MPZL1: variants seen among roughly 807,000 people sequenced by gnomAD.
MPZL1 encodes myelin protein zero-like protein 1.
MPZL1 carries 16 observed loss-of-function variants against 29.3 expected under a neutral mutation model. The ratio of observed to expected loss-of-function variants is 0.55; its 90% confidence interval spans 0.37 to 0.83. The LOEUF (loss-of-function observed/expected upper bound fraction) is 0.83. Among genes scored for constraint, MPZL1 ranks in the 40% least tolerant of loss-of-function variants. The pLI is 0.00. For missense variants in MPZL1, 279 were observed against 332.9 expected, an observed-to-expected ratio of 0.84 and a Z score of 1.26; for synonymous variants, 143 against 132.0, an observed-to-expected ratio of 1.08 and a Z score of -0.57.
intron 1 of MPZL1, 146 bp downstream of exon 1, chr1:167,722,388 G>C (rs1558104114): frequency 8.2e-7 from 1 of 1,215,472 alleles, no homozygotes; most frequent in Non-Finnish European, 1.0e-6. Flanking sequence ...GGGCCGAGGG[G>C]ACCCAGCCCA....
At chr1:167,773,572 ATC>A in intron 4 of MPZL1, 1 of 529,182 alleles carries the variant, frequency 1.9e-6, no homozygotes, top group Non-Finnish European at 3.1e-6. Context: ...TATGATTCTA[ATC>A]TCTGTTCCAG....
chr1:167,772,748 A>G (rs1399370172), intron 3 of MPZL1, among the ~76,000 whole-genome samples: 1 of 152,134 alleles, frequency 6.6e-6, no homozygotes, highest in Admixed American at 6.5e-5. Flanking sequence ...CAGGAGTATG[A>G]ATTTTTCAGT....
At chr1:167,722,897 G>C (rs1660067552) in intron 1 of MPZL1, among the ~76,000 whole-genome samples, 1 of 152,110 alleles carries the variant, frequency 6.6e-6, no homozygotes, top group Admixed American at 6.5e-5. Flanking sequence ...AAAAGAATTT[G>C]GTCAAATCCA....
At chr1:167,734,084 G>C (rs10918752) in intron 1 of MPZL1, among the ~76,000 whole-genome samples, 40,406 of 151,500 alleles carry the variant, frequency 0.27, 5,496 homozygotes, top group Middle Eastern at 0.33. Context: ...GTGAAACCCC[G>C]TCTCTACTAA....
intron 5 of MPZL1, among the ~76,000 whole-genome samples, chr1:167,786,036 G>T (rs956487703): frequency 6.6e-6 from 1 of 152,038 alleles, no homozygotes; most frequent in South Asian, 2.1e-4. Flanking sequence ...CTCATGATCC[G>T]CCCGCCTCGG....
At chr1:167,762,307 G>C (rs1227344505) in intron 1 of MPZL1, among the ~76,000 whole-genome samples, 1 of 152,152 alleles carries the variant, frequency 6.6e-6, no homozygotes, top group Non-Finnish European at 1.5e-5. Flanking sequence ...GAGAAGCCCT[G>C]GTTTAGGGTA....
At chr1:167,769,372 C>G (rs1321479900) in intron 2 of MPZL1, among the ~76,000 whole-genome samples, 3 of 152,144 alleles carry the variant, frequency 2.0e-5, no homozygotes, top group Non-Finnish European at 2.9e-5. Context: ...CCTTTCAGGG[C>G]TGAAGTCAGA....
chr1:167,756,723 A>G lies in MPZL1; in HGVS notation c.92-8860A>G, dbSNP rs888583108. Among the ~76,000 whole-genome samples, 5 of 152,172 alleles carry G rather than the reference A, an allele frequency of 3.3e-5. No homozygotes were observed. The South Asian group carries it at 6.2e-4, about 19-fold the overall frequency. The stretch of plus-strand genomic sequence containing the variant: ...TATTCATTCATTGATTCACTGATTC[A>G]TTCATTTTTCCTGACATTCAAACAA... On this transcript the variant is annotated intron_variant, in intron 1 of 5. Transcript: ENST00000359523.
intron 1 of MPZL1, among the ~76,000 whole-genome samples, chr1:167,743,428 G>A (rs1185479017): frequency 4.0e-5 from 6 of 151,852 alleles, no homozygotes; most frequent in Non-Finnish European, 5.9e-5. Flanking sequence ...GGCTGGTCTC[G>A]ATCTCTTGAC....
At chr1:167,751,568 G>A (rs1233100986) in intron 1 of MPZL1, among the ~76,000 whole-genome samples, 1 of 151,896 alleles carries the variant, frequency 6.6e-6, no homozygotes, top group Non-Finnish European at 1.5e-5. Flanking sequence ...CTACTCAGGA[G>A]GCTGAGGCAG....
rs561803077 is a variant in MPZL1 at position 167,788,535 on chromosome 1, T to C, written c.*614T>C. ...GCAATTGTTAGCCTTACATGTTGTG[T>C]AGACTTACTTTAAGTTTGCACCCTT... On this transcript the variant is annotated 3_prime_UTR_variant, in exon 6 of 6. Transcript: ENST00000359523. The C allele has an allele frequency of 6.6e-6, 1 of 152,494 alleles. No individual in the cohort carries two copies. The highest frequency in any genetic ancestry group is 1.9e-4 in the East Asian group (1 of 5,188). 9.4% of individuals were successfully genotyped at this position (152,494 alleles called of 1,614,324 possible).
chr1:167,768,051 C>T (rs938099758), intron 2 of MPZL1, among the ~76,000 whole-genome samples: 3 of 151,960 alleles, frequency 2.0e-5, no homozygotes, highest in African/African-American at 7.3e-5. Flanking sequence ...AACTGTGTGC[C>T]TGGTCTTGTG....
chr1:167,765,812 T>C, intron 2 of MPZL1, 63 bp downstream of exon 2: 1 of 1,406,958 alleles, frequency 7.1e-7, no homozygotes, highest in South Asian at 1.5e-5. Flanking sequence ...GCTGTATAAT[T>C]GGTGATCCAT....
At chr1:167,771,174 G>T (rs1463204411) in intron 2 of MPZL1, among the ~76,000 whole-genome samples, 1 of 152,102 alleles carries the variant, frequency 6.6e-6, no homozygotes, top group Non-Finnish European at 1.5e-5. Flanking sequence ...GGGTACTTGA[G>T]ATTAGGGAGT....
At position 167,745,443 on chromosome 1, in the gene MPZL1, C is replaced by T. The variant is rs75514802; in HGVS notation, c.92-20140C>T. On this transcript the variant is annotated intron_variant, in intron 1 of 5. Coordinates refer to ENST00000359523, the MANE Select transcript of MPZL1 (RefSeq NM_003953.6). ...TGGAACCTTGAACACAGGGAATATC[C>T]TGTGTGTCTTTTAAAAACACGGAAA... 2.6e-3 allele frequency among the ~76,000 whole-genome samples: 393 copies of T among 152,130 alleles called. 2 individuals are homozygous for T. Among genetic ancestry groups the T allele is most frequent in the African/African-American group, 9.1e-3 (377 of 41,534 alleles).
Position 167,765,526 on chromosome 1 carries a change from C to G in MPZL1, c.92-57C>G, listed in dbSNP as rs755951123. The G allele has an allele frequency of 2.8e-6, 4 of 1,437,890 alleles. No homozygotes were observed. In the South Asian group the frequency reaches 4.3e-5, roughly 15 times the overall value. The allele number at this position is 1,437,890 out of a possible 1,614,324, so 89.1% of individuals were successfully genotyped here. Reference sequence around the variant, plus strand: ...TATCTTTTCTTGTCTGGCAAAAATGCACAGTGGTATTCATGTTAAGTCCTA... The same window carrying G: ...TATCTTTTCTTGTCTGGCAAAAATGGACAGTGGTATTCATGTTAAGTCCTA... On this transcript the variant is annotated intron_variant, in intron 1 of 5. Transcript: ENST00000359523.
intron 1 of MPZL1, among the ~76,000 whole-genome samples, chr1:167,741,905 C>T (rs902552460): frequency 1.3e-5 from 2 of 152,028 alleles, no homozygotes; most frequent in Non-Finnish European, 2.9e-5. Context: ...TGATGGCTCA[C>T]ACCTGTAGTC....
chr1:167,744,402 G>A (rs1434354146), intron 1 of MPZL1, among the ~76,000 whole-genome samples: 1 of 152,060 alleles, frequency 6.6e-6, no homozygotes, highest in Non-Finnish European at 1.5e-5. Context: ...ACCAAAAAAA[G>A]GCCGGGCACA....
At chr1:167,787,774 C>CCGTT in intron 5 of MPZL1, 46 bp from the exon 6 acceptor site, 1 of 1,438,838 alleles carries the variant, frequency 7.0e-7, no homozygotes, top group Non-Finnish European at 9.8e-7. Context: ...GCTGAAGGAA[C>CCGTT]CGCCAGCGTT....
Sources: gnomAD v4.1 joint callset for allele counts (sites outside exome capture counted in the v4.1 genomes callset) on GRCh38, gnomAD v4.1.1 for gene constraint, MANE v1.5 for transcripts, NCBI Gene and HGNC (gene_info 2026-07-23, HGNC 2026-07-21) for gene names.